Variants in KDM4D observed in about 807,000 individuals in gnomAD.
KDM4D encodes lysine demethylase 4D, also known as lysine-specific demethylase 4D.
For missense variants in KDM4D, 427 were observed against 674.8 expected (o/e 0.63, Z 4.07); for synonymous variants, 254 against 249.1 (o/e 1.02, Z -0.19).
intron 2 of KDM4D, among the ~76,000 whole-genome samples, chr11:94,996,332 C>G (rs782025092): frequency 9.2e-5 from 14 of 152,162 alleles, no homozygotes; most frequent in Non-Finnish European, 1.9e-4. Flanking sequence ...TAACTTTACT[C>G]AAGAGATCCC....
intron 2 of KDM4D, among the ~76,000 whole-genome samples, chr11:94,991,189 C>T (rs1219390723): frequency 2.6e-5 from 4 of 152,114 alleles, no homozygotes; most frequent in African/African-American, 7.2e-5. Context: ...AGGAGTTCAC[C>T]TAGGAAACAG....
chr11:94,976,307 CTA>C (rs1409000452), intron 2 of KDM4D, among the ~76,000 whole-genome samples: 7 of 152,180 alleles, frequency 4.6e-5, no homozygotes, highest in African/African-American at 1.7e-4. Flanking sequence ...TTCTTCAAGT[CTA>C]CATGCCTCTT....
chr11:94,991,022 G>A (rs35034876), intron 2 of KDM4D, among the ~76,000 whole-genome samples: 5,428 of 152,304 alleles, frequency 0.036, 139 homozygotes, highest in Non-Finnish European at 0.052. Context: ...TTGTCATAGG[G>A]AAAATAAGTT....
rs781934342 is a variant in KDM4D at position 94,998,750 on chromosome 11, CTG to C, written c.1379_1380del (p.Leu460GlnfsTer29). 19 of 1,613,494 alleles carry C rather than the reference CTG, an allele frequency of 1.2e-5. No homozygotes were observed. In the Admixed American group the frequency reaches 2.0e-4, roughly 17 times the overall value. ...RRGRGRPPQK[L>X]RAQELTLQTP... ...TGGTCGTGGTCGCCCTCCTCAGAAA[CTG>C]AGAGCTCAGGAGCTGACCCTCCAGA... On this transcript the variant is annotated frameshift_variant, in exon 3 of 3. Coordinates refer to ENST00000335080, the MANE Select transcript of KDM4D (RefSeq NM_018039.3). LOFTEE classifies it low-confidence loss of function (END_TRUNC). The surrounding 1 kb of genome is among the most constrained non-coding windows in gnomAD (Gnocchi z 6.7).
chr11:94,992,032 C>T (rs1423774840), intron 2 of KDM4D, among the ~76,000 whole-genome samples: 1 of 151,438 alleles, frequency 6.6e-6, no homozygotes, highest in East Asian at 1.9e-4. Flanking sequence ...AGTTAATAAC[C>T]CCCCCTCTCC....
rs782332624 is a variant in KDM4D at position 94,998,194 on chromosome 11, C to A, written c.822C>A (p.Thr274=). 6.2e-7 allele frequency: 1 copy of A among 1,614,220 alleles called. No homozygotes were observed. The highest frequency in any genetic ancestry group is 1.1e-5 in the South Asian group (1 of 91,090). ...ITQEAGEFMV[T]FPYGYHAGFN... ...AGGAGGCTGGAGAGTTCATGGTGAC[C>A]TTTCCCTATGGCTACCATGCTGGCT... is the stretch of plus-strand genomic sequence containing the variant. The change falls in exon 3 of 3, where the codon ACC becomes ACA. Residue 274 remains threonine (T), a synonymous_variant. Transcript: ENST00000335080. The surrounding 1 kb of genome is among the most constrained non-coding windows in gnomAD (Gnocchi z 6.7).
intron 2 of KDM4D, among the ~76,000 whole-genome samples, chr11:94,982,896 A>G (rs781801389): frequency 2.0e-5 from 3 of 152,046 alleles, no homozygotes; most frequent in African/African-American, 4.8e-5. Flanking sequence ...AATTGGTGGG[A>G]ATGATCAATG....
intron 2 of KDM4D, among the ~76,000 whole-genome samples, chr11:94,991,168 A>G (rs1488186727): frequency 6.6e-6 from 1 of 152,212 alleles, no homozygotes; most frequent in African/African-American, 2.4e-5. Context: ...AGCTCTAGAA[A>G]TATCAGTGTT....
chr11:94,997,910 T>C lies in KDM4D; in HGVS notation c.538T>C (p.Leu180=). Residue 180 remains leucine (L), a synonymous_variant, in exon 3 of 3, where the codon TTG becomes CTG. Coordinates refer to ENST00000335080, the MANE Select transcript of KDM4D (RefSeq NM_018039.3). The stretch of plus-strand genomic sequence containing the variant: ...CATAGAAGGCGTCAATACACCCTAC[T>C]TGTACTTTGGCATGTGGAAAACCAC... ...VVIEGVNTPY[L]YFGMWKTTFA... 2 of 1,614,228 alleles carry C rather than the reference T, an allele frequency of 1.2e-6. No homozygotes were observed. Among genetic ancestry groups the C allele is most frequent in the South Asian group, 2.2e-5 (2 of 91,086 alleles).
intron 2 of KDM4D, among the ~76,000 whole-genome samples, chr11:94,987,188 G>T (rs1857894936): frequency 6.6e-6 from 1 of 152,144 alleles, no homozygotes; most frequent in Non-Finnish European, 1.5e-5. Flanking sequence ...ATGGAACAAG[G>T]TTTGATTTTG....
At chr11:94,990,185 G>A (rs1042766530) in intron 2 of KDM4D, among the ~76,000 whole-genome samples, 3 of 152,218 alleles carry the variant, frequency 2.0e-5, no homozygotes, top group Non-Finnish European at 4.4e-5. Context: ...CTTAAGGCAA[G>A]TGCCCATTAG....
intron 2 of KDM4D, among the ~76,000 whole-genome samples, chr11:94,981,140 ATC>A (rs1461674972): frequency 6.6e-6 from 1 of 152,118 alleles, no homozygotes; most frequent in African/African-American, 2.4e-5. Context: ...CTTTCTCTGC[ATC>A]TAATGAGATT....
chr11:94,987,056 C>T (rs1857894055), intron 2 of KDM4D, among the ~76,000 whole-genome samples: 2 of 152,130 alleles, frequency 1.3e-5, no homozygotes, highest in Non-Finnish European at 2.9e-5. Context: ...AAGCTGGACA[C>T]AAAATATTAC....
In KDM4D at chr11:94,997,293, A is replaced by AT. The variant is rs587648833; in HGVS notation, c.-71dup. ...CTACCTCATAGATAACACCAGTCAA[A>AT]TTTTTTTTTAAAGTAGCATTTTCCT... On this transcript the variant is annotated 5_prime_UTR_variant, in exon 3 of 3. Coordinates refer to ENST00000335080, the MANE Select transcript of KDM4D (RefSeq NM_018039.3). 868 of 1,171,608 alleles carry AT rather than the reference A, an allele frequency of 7.4e-4. No homozygotes were observed. Among genetic ancestry groups the AT allele is most frequent in the South Asian group, 1.2e-3 (65 of 52,432 alleles). The allele number at this position is 1,171,608 out of a possible 1,614,324, so 72.6% of individuals were successfully genotyped here. A position where few individuals can be genotyped will look rare whatever the true frequency, so the allele number is the denominator to read the frequency against.
chr11:94,986,234 A>G (rs1555098106), intron 2 of KDM4D, among the ~76,000 whole-genome samples: 2 of 152,208 alleles, frequency 1.3e-5, no homozygotes, highest in Non-Finnish European at 2.9e-5. Context: ...TATATATATG[A>G]ATGGCCAATA....
rs1270270365 is a variant in KDM4D, at chr11:94,978,821, A to G, written c.-350+3073A>G. 2.6e-5 allele frequency among the ~76,000 whole-genome samples: 4 copies of G among 152,252 alleles called. 1 individual carries two copies. Among genetic ancestry groups the G allele is most frequent in the Admixed American group, 2.6e-4 (4 of 15,284 alleles). On this transcript the variant is annotated intron_variant, in intron 2 of 2. Transcript: ENST00000335080. Reference sequence around the variant, plus strand: ...AGTATTCTTAGGTTGAATAACATTAATAGGGACAAAGAAGTGCATGTATTA... The same window carrying G: ...AGTATTCTTAGGTTGAATAACATTAGTAGGGACAAAGAAGTGCATGTATTA...
At chr11:94,985,353 A>G (rs979203770) in intron 2 of KDM4D, among the ~76,000 whole-genome samples, 5 of 152,002 alleles carry the variant, frequency 3.3e-5, no homozygotes, top group Non-Finnish European at 5.9e-5. Context: ...TCCATTCACA[A>G]TAGTGTCAAA....
At chr11:94,996,633 T>C (rs587685955) in intron 2 of KDM4D, among the ~76,000 whole-genome samples, 3 of 152,330 alleles carry the variant, frequency 2.0e-5, no homozygotes, top group African/African-American at 7.2e-5. Context: ...AGTGTACTTA[T>C]TCATTCTATT....
intron 2 of KDM4D, among the ~76,000 whole-genome samples, chr11:94,983,372 A>G (rs750550525): frequency 6.6e-6 from 1 of 152,112 alleles, no homozygotes; most frequent in Non-Finnish European, 1.5e-5. Context: ...ACAAGAAAAT[A>G]TGATCTTTTT....
Sources: allele counts gnomAD v4.1 joint callset (sites outside exome capture counted in the v4.1 genomes callset), GRCh38; gene constraint gnomAD v4.1.1; non-coding constraint Gnocchi (gnomAD v3.1); transcripts MANE v1.5; gene names NCBI Gene and HGNC (gene_info 2026-07-23, HGNC 2026-07-21).